The following PRKRIP1 variants were observed in gnomAD, a reference collection of about 807,000 sequenced individuals.
PRKRIP1 encodes the protein PRKR-interacting protein 1.
Under a neutral mutation model 29.3 loss-of-function variants are expected in PRKRIP1, and 29 were observed. The ratio of observed to expected loss-of-function variants is 0.99; its 90% CI spans 0.74 to 1.35. The LOEUF (loss-of-function observed/expected upper bound fraction) is 1.35, where lower values mean the gene tolerates loss of function less well. Ranked by LOEUF, PRKRIP1 falls within the 40% of genes most tolerant of loss-of-function variation. PRKRIP1 has a pLI of 0.00. For synonymous variants in PRKRIP1, 90 were observed against 85.1 expected, an observed-to-expected ratio of 1.06 and a Z score of -0.32; for missense variants, 247 against 236.8, an observed-to-expected ratio of 1.04 and a Z score of -0.28.
At chr7:102,410,817 A>G (rs141705692) in intron 5 of PRKRIP1, among the ~76,000 whole-genome samples, 14 of 152,282 alleles carry the variant, frequency 9.2e-5, no homozygotes, top group African/African-American at 3.4e-4. Flanking sequence ...CATTTGAAGT[A>G]TGTTTCCTGT....
In PRKRIP1 at chr7:102,426,142, C is replaced by T. The variant is rs544209742; in HGVS notation, c.*1031C>T. Reference sequence around the variant, plus strand: ...CAGGGCAGCCCGGCGCAGGGGCATGCGCCTAGAATCCCAGCTACTCGGAAG... The same window carrying T: ...CAGGGCAGCCCGGCGCAGGGGCATGTGCCTAGAATCCCAGCTACTCGGAAG... On this transcript the variant is annotated 3_prime_UTR_variant, in exon 6 of 6. Transcript: ENST00000397912. 2.0e-5 allele frequency: 3 copies of T among 152,878 alleles called. No homozygotes were observed. The highest frequency in any genetic ancestry group is 2.9e-5 in the Non-Finnish European group (2 of 68,292). 9.5% of individuals were successfully genotyped at this position (152,878 alleles called of 1,614,324 possible). A position where few individuals can be genotyped will look rare whatever the true frequency, so the allele number is the denominator to read the frequency against.
At chr7:102,421,624 C>T (rs1288441032) in intron 5 of PRKRIP1, among the ~76,000 whole-genome samples, 2 of 152,030 alleles carry the variant, frequency 1.3e-5, no homozygotes, top group East Asian at 1.9e-4. Context: ...CGGTGAAACC[C>T]CGTCTCTACT....
At chr7:102,396,975 A>G (rs990822230) in intron 1 of PRKRIP1, among the ~76,000 whole-genome samples, 2 of 152,004 alleles carry the variant, frequency 1.3e-5, no homozygotes, top group Admixed American at 6.6e-5. Flanking sequence ...CATAAAAACA[A>G]TTGAACGGGA....
At position 102,397,652 on chromosome 7, in the gene PRKRIP1, TG is replaced by T. The variant is rs781987384; in HGVS notation, c.160del (p.Glu54AsnfsTer81). The T allele has an allele frequency of 3.1e-6, 5 of 1,613,778 alleles. No homozygotes were observed. The South Asian group carries it at 5.5e-5, about 18-fold the overall frequency. On this transcript the variant is annotated frameshift_variant, in exon 2 of 6. Coordinates refer to ENST00000397912, the MANE Select transcript of PRKRIP1 (RefSeq NM_024653.4). LOFTEE classifies it high-confidence loss of function. ...CAGTTCCAATTCCAGAGAAAATGAG[TG>T]AATGGGCACCTCGACCTCCCCCAGA... ...KAVPIPEKMS[E>X]WAPRPPPEFV...
rs139631659 is a variant in PRKRIP1, at chr7:102,425,147, C to G, written c.*36C>G. The G allele has an allele frequency of 4.0e-4, 638 of 1,593,386 alleles. 3 individuals are homozygous for G. The highest frequency in any genetic ancestry group is 2.0e-3 in the Middle Eastern group (12 of 6,012). The stretch of plus-strand genomic sequence containing the variant: ...CACAGCCTCTGCCTGGAACCTGGCT[C>G]GTGCTGTGACCAGAAGGGAAAGGCG... On this transcript the variant is annotated 3_prime_UTR_variant, in exon 6 of 6. Coordinates refer to ENST00000397912, the MANE Select transcript of PRKRIP1 (RefSeq NM_024653.4).
At chr7:102,407,143 A>G (rs1796250247) in intron 4 of PRKRIP1, among the ~76,000 whole-genome samples, 1 of 151,772 alleles carries the variant, frequency 6.6e-6, no homozygotes, top group Non-Finnish European at 1.5e-5. Flanking sequence ...TGAACCCAGG[A>G]GGCAGAGCTT....
chr7:102,399,117 G>A (rs1431059454), intron 2 of PRKRIP1, among the ~76,000 whole-genome samples: 1 of 151,948 alleles, frequency 6.6e-6, no homozygotes, highest in Non-Finnish European at 1.5e-5. Context: ...GCAAGGCCCT[G>A]TCTCAAAAAA....
rs1428764320 is a variant in PRKRIP1 at position 102,396,427 on chromosome 7, GCCT to G, written c.21_23del (p.Ser8del). 1.3e-5 allele frequency: 20 copies of G among 1,585,150 alleles called. No homozygotes were observed. The highest frequency in any genetic ancestry group is 2.3e-5 in the East Asian group (1 of 43,840). ...GAAGGCTGCCATGGCTAGCCCAGCCGCCTCCTCGGTGCGACCACCGAGGCCCAA... is the reference window on the plus strand; with the variant it reads ...GAAGGCTGCCATGGCTAGCCCAGCCGCCTCGGTGCGACCACCGAGGCCCAA... On this transcript the variant is annotated inframe_deletion, in exon 1 of 6. Transcript: ENST00000397912.
At position 102,425,093 on chromosome 7, in the gene PRKRIP1, T is replaced by C. The variant is rs912376960; in HGVS notation, c.537T>C (p.Ser179=). 1.2e-6 allele frequency: 2 copies of C among 1,612,984 alleles called. No individual in the cohort carries two copies. The highest frequency in any genetic ancestry group is 1.7e-6 in the Non-Finnish European group (2 of 1,179,922). ...CAGAGGAGGAGGAGGAAGTGCCCAGTTTCACCATGGGGCGATGACAATGTT... is the reference window on the plus strand; with the variant it reads ...CAGAGGAGGAGGAGGAAGTGCCCAGCTTCACCATGGGGCGATGACAATGTT... ...SGTEEEEEVP[S]FTMGR Residue 179 remains serine, a synonymous_variant, in exon 6 of 6, where the codon AGT becomes AGC. Coordinates refer to ENST00000397912, the MANE Select transcript of PRKRIP1 (RefSeq NM_024653.4).
At chr7:102,398,023 G>C (rs964147651) in intron 2 of PRKRIP1, among the ~76,000 whole-genome samples, 1 of 151,918 alleles carries the variant, frequency 6.6e-6, no homozygotes, top group Non-Finnish European at 1.5e-5. Context: ...CTCCATCCTG[G>C]GCAACAGAGC....
intron 4 of PRKRIP1, chr7:102,405,980 G>A: frequency 3.9e-6 from 1 of 256,204 alleles, no homozygotes; most frequent in Non-Finnish European, 7.9e-6. Context: ...TTGTCAAAGT[G>A]CTTGAAGAAG....
At chr7:102,424,222 G>T (rs1422008883) in intron 5 of PRKRIP1, among the ~76,000 whole-genome samples, 2 of 152,246 alleles carry the variant, frequency 1.3e-5, no homozygotes, top group Non-Finnish European at 1.5e-5. Flanking sequence ...AGGGTCTGTA[G>T]TGGGCGTGTG....
intron 1 of PRKRIP1, 124 bp downstream of exon 1, chr7:102,396,661 A>C: frequency 9.7e-7 from 1 of 1,035,970 alleles, no homozygotes; most frequent in Non-Finnish European, 1.4e-6. Context: ...CCGACCCTCC[A>C]AGAGCAGTCT....
intron 5 of PRKRIP1, among the ~76,000 whole-genome samples, chr7:102,421,603 C>A (rs183723654): frequency 1.3e-5 from 2 of 152,202 alleles, no homozygotes; most frequent in East Asian, 3.9e-4. Context: ...TCAAGACCAT[C>A]CTAGCTAACA....
Position 102,396,420 on chromosome 7 carries a change from C to G in PRKRIP1, c.9C>G (p.Ser3Arg). ...GAAACTGGAAGGCTGCCATGGCTAG[C>G]CCAGCCGCCTCCTCGGTGCGACCAC... MASPAASSVRPPR... is the reference protein window; with the variant it reads MARPAASSVRPPR... Residue 3 changes from serine to arginine, a missense_variant, in exon 1 of 6, where the codon AGC (serine) becomes AGG (arginine). Ser to Arg is a moderately radical substitution (Grantham distance 110). Around this residue, in one of 3 missense-constraint regions of PRKRIP1, gnomAD observed 105 missense variants for 80.2 expected, o/e 1.31. Coordinates refer to ENST00000397912, the MANE Select transcript of PRKRIP1 (RefSeq NM_024653.4). 6.3e-7 allele frequency: 1 copy of G among 1,583,570 alleles called. No individual in the cohort carries two copies. Among genetic ancestry groups the G allele is most frequent in the African/African-American group, 1.4e-5 (1 of 72,828 alleles).
At chr7:102,404,765 T>G in intron 4 of PRKRIP1, 82 bp downstream of exon 4, 1 of 984,498 alleles carries the variant, frequency 1.0e-6, no homozygotes, top group East Asian at 2.4e-5. Context: ...TCAGTAGTAG[T>G]TCCTCTGCAT....
At position 102,425,332 on chromosome 7, in the gene PRKRIP1, C is replaced by G. The variant is rs1429040777; in HGVS notation, c.*221C>G. 6 of 831,294 alleles carry G rather than the reference C, an allele frequency of 7.2e-6. No homozygotes were observed. The highest frequency in any genetic ancestry group is 7.2e-4 in the Middle Eastern group (2 of 2,790). The allele number at this position is 831,294 out of a possible 1,614,324, so 51.5% of individuals were successfully genotyped here. A position where few individuals can be genotyped will look rare whatever the true frequency, so the allele number is the denominator to read the frequency against. Reference sequence around the variant, plus strand: ...GAGGCACTGCCTTGCAGACACCATCCGTGCTCCTGGTAAAGGGGGACAGAG... The same window carrying G: ...GAGGCACTGCCTTGCAGACACCATCGGTGCTCCTGGTAAAGGGGGACAGAG... On this transcript the variant is annotated 3_prime_UTR_variant, in exon 6 of 6. Coordinates refer to ENST00000397912, the MANE Select transcript of PRKRIP1 (RefSeq NM_024653.4).
intron 3 of PRKRIP1, among the ~76,000 whole-genome samples, chr7:102,403,983 A>G (rs944034669): frequency 6.6e-6 from 1 of 152,200 alleles, no homozygotes; most frequent in African/African-American, 2.4e-5. Context: ...TGGACAACAT[A>G]GCCAGACCTG....
chr7:102,411,054 G>T (rs576024794), intron 5 of PRKRIP1, among the ~76,000 whole-genome samples: 1 of 152,052 alleles, frequency 6.6e-6, no homozygotes, highest in Admixed American at 6.6e-5. Flanking sequence ...TCAGCCTCTT[G>T]AGTAGCTGGG....
Sources: allele counts gnomAD v4.1 joint callset (sites outside exome capture counted in the v4.1 genomes callset), GRCh38; gene constraint gnomAD v4.1.1; regional missense constraint gnomAD v4.1.1; transcripts MANE v1.5; gene names NCBI Gene and HGNC (gene_info 2026-07-23, HGNC 2026-07-21).